The following STAU2 variants were observed in gnomAD, a reference collection of about 807,000 sequenced individuals.
STAU2 encodes the protein staufen double-stranded RNA binding protein 2, also known as double-stranded RNA-binding protein Staufen homolog 2.
A neutral mutation model predicts 65.9 loss-of-function variants in STAU2; 20 were observed. The observed-to-expected ratio is 0.30, with a 90% confidence interval of 0.21 to 0.44. The LOEUF (loss-of-function observed/expected upper bound fraction) is 0.44, where lower values mean the gene tolerates loss of function less well. Among genes scored for constraint, STAU2 ranks in the 20% least tolerant of loss-of-function variants. The pLI is 1.00. For synonymous variants in STAU2, 232 were observed against 233.9 expected, an observed-to-expected ratio of 0.99 and a Z score of 0.07; for missense variants, 558 against 683.9, an observed-to-expected ratio of 0.82 and a Z score of 2.05.
chr8:73,471,934 C>A (rs766465156), intron 13 of STAU2, among the ~76,000 whole-genome samples: 1 of 151,498 alleles, frequency 6.6e-6, no homozygotes, highest in Non-Finnish European at 1.5e-5. Context: ...AAGTAGGGAG[C>A]ATTGTACGAC....
At chr8:73,424,806 A>G (rs1816676140) in intron 13 of STAU2, among the ~76,000 whole-genome samples, 1 of 151,272 alleles carries the variant, frequency 6.6e-6, no homozygotes, top group Admixed American at 6.6e-5. Flanking sequence ...TCTTTAGATT[A>G]CTCCTTCCTT....
At chr8:73,707,719 C>T (rs903206390) in intron 4 of STAU2, among the ~76,000 whole-genome samples, 12 of 151,872 alleles carry the variant, frequency 7.9e-5, no homozygotes, top group African/African-American at 2.2e-4. Context: ...GAAATGTAAA[C>T]GAGTAAAATA....
intron 13 of STAU2, among the ~76,000 whole-genome samples, chr8:73,439,415 G>A (rs896070956): frequency 5.9e-5 from 9 of 152,210 alleles, no homozygotes; most frequent in African/African-American, 2.2e-4. Flanking sequence ...TGAGGAGTTC[G>A]AGACCAGCCT....
At chr8:73,426,771 T>A (rs1001654864) in intron 13 of STAU2, among the ~76,000 whole-genome samples, 3 of 152,190 alleles carry the variant, frequency 2.0e-5, no homozygotes, top group Non-Finnish European at 4.4e-5. Context: ...GCATCATTTC[T>A]CATGACTGCA....
chr8:73,603,740 C>CTCGACG lies in STAU2; in HGVS notation c.1009_1014dup (p.Arg337_Arg338dup). The CTCGACG allele has an allele frequency of 6.2e-7, 1 of 1,610,694 alleles. No homozygotes were observed. The highest frequency in any genetic ancestry group is 8.5e-7 in the Non-Finnish European group (1 of 1,179,526). Reference sequence around the variant, plus strand: ...GTTAGAAATACCTGCATCACAAATTCTCGACGTCGAGGCATTCCTCTTTCT... The same window carrying CTCGACG: ...GTTAGAAATACCTGCATCACAAATTCTCGACGTCGACGTCGAGGCATTCCTCTTTCT... On this transcript the variant is annotated inframe_insertion, in exon 10 of 15. Coordinates refer to ENST00000524300, the MANE Select transcript of STAU2 (RefSeq NM_001164380.2).
chr8:73,506,621 G>C (rs905620039), intron 13 of STAU2, among the ~76,000 whole-genome samples: 1 of 152,156 alleles, frequency 6.6e-6, no homozygotes, highest in African/African-American at 2.4e-5. Flanking sequence ...GCTGCTGACT[G>C]ATCAGGGTGG....
At chr8:73,598,377 G>A (rs1003031556) in intron 10 of STAU2, among the ~76,000 whole-genome samples, 11 of 151,888 alleles carry the variant, frequency 7.2e-5, no homozygotes, top group African/African-American at 2.4e-4. Context: ...ATAGGTGCCC[G>A]CCACCATGCC....
chr8:73,548,956 A>T (rs1038779389), intron 13 of STAU2, among the ~76,000 whole-genome samples: 4 of 152,248 alleles, frequency 2.6e-5, no homozygotes, highest in Non-Finnish European at 5.9e-5. Flanking sequence ...AGAAAAGCAT[A>T]TTAAAGATGT....
intron 11 of STAU2, among the ~76,000 whole-genome samples, chr8:73,586,642 A>C (rs1248228363): frequency 6.9e-6 from 1 of 144,052 alleles, no homozygotes; most frequent in African/African-American, 2.8e-5. Context: ...GAAGAAAAAA[A>C]ATGCAAAAAA....
chr8:73,743,205 TAAATA>T (rs1807005086), intron 1 of STAU2, among the ~76,000 whole-genome samples: 1 of 151,636 alleles, frequency 6.6e-6, no homozygotes, highest in South Asian at 2.1e-4. Flanking sequence ...TGGAAAACTC[TAAATA>T]ACACAGGCCA....
At chr8:73,500,458 GTAGT>G (rs1358807663) in intron 13 of STAU2, among the ~76,000 whole-genome samples, 1 of 151,660 alleles carries the variant, frequency 6.6e-6, no homozygotes, top group Non-Finnish European at 1.5e-5. Context: ...AGGGCTCACT[GTAGT>G]TAAATTATCC....
intron 13 of STAU2, among the ~76,000 whole-genome samples, chr8:73,544,299 C>A (rs1049896470): frequency 6.6e-6 from 1 of 152,114 alleles, no homozygotes; most frequent in African/African-American, 2.4e-5. Context: ...CATGAAAAAC[C>A]ATTCTAATTG....
At chr8:73,682,738 A>G (rs1247546534) in intron 5 of STAU2, among the ~76,000 whole-genome samples, 1 of 152,172 alleles carries the variant, frequency 6.6e-6, no homozygotes, top group East Asian at 1.9e-4. Context: ...CCAAAAAAAG[A>G]AGACAGAAGA....
chr8:73,571,326 T>C (rs1274244675), intron 12 of STAU2, among the ~76,000 whole-genome samples: 1 of 152,142 alleles, frequency 6.6e-6, no homozygotes. Flanking sequence ...CTGTCAACAT[T>C]AGACAGATCA....
rs1329175801 is a variant in STAU2, at chr8:73,693,341, A to G, written c.115-4528T>C. ...ACAAAAAAAATTAGCCGGGCGTGGTAGCAGGTGCCTGTAGTCCCAGCTACT... is the reference window on the plus strand; with the variant it reads ...ACAAAAAAAATTAGCCGGGCGTGGTGGCAGGTGCCTGTAGTCCCAGCTACT... On this transcript the variant is annotated intron_variant, in intron 4 of 14. Transcript: ENST00000524300. 4.6e-5 allele frequency among the ~76,000 whole-genome samples: 7 copies of G among 151,938 alleles called. No homozygotes were observed. In the South Asian group the frequency reaches 1.0e-3, roughly 23 times the overall value.
chr8:73,566,306 C>G (rs1205880347), intron 12 of STAU2, among the ~76,000 whole-genome samples: 1 of 152,074 alleles, frequency 6.6e-6, no homozygotes. Context: ...TAAGAAAAAT[C>G]AAGTAATGTA....
intron 11 of STAU2, among the ~76,000 whole-genome samples, chr8:73,591,826 A>G (rs2128968108): frequency 6.7e-6 from 1 of 149,376 alleles, no homozygotes; most frequent in African/African-American, 2.4e-5. Flanking sequence ...GAGGGAAATC[A>G]GAACATATTT....
At chr8:73,506,150 G>A (rs1456927902) in intron 13 of STAU2, among the ~76,000 whole-genome samples, 1 of 152,108 alleles carries the variant, frequency 6.6e-6, no homozygotes, top group Non-Finnish European at 1.5e-5. Context: ...AGCAATACAC[G>A]AATGGGCTAA....
intron 6 of STAU2, among the ~76,000 whole-genome samples, chr8:73,670,766 G>GT (rs1352375349): frequency 6.6e-6 from 1 of 152,022 alleles, no homozygotes; most frequent in Non-Finnish European, 1.5e-5. Flanking sequence ...CTAAGTTATG[G>GT]TATCAGTAAA....
Sources: gnomAD v4.1 joint callset for allele counts (sites outside exome capture counted in the v4.1 genomes callset) on GRCh38, gnomAD v4.1.1 for gene constraint, MANE v1.5 for transcripts, NCBI Gene and HGNC (gene_info 2026-07-23, HGNC 2026-07-21) for gene names.